The following ZBTB4 variants were observed in gnomAD, a reference collection of about 807,000 sequenced individuals.
ZBTB4 encodes the protein zinc finger and BTB domain containing 4.
In ZBTB4, 14 loss-of-function variants were observed where a neutral mutation model predicts 59.8. That is an observed-to-expected ratio of 0.23 (90% CI 0.15 to 0.37). The LOEUF (loss-of-function observed/expected upper bound fraction) is 0.37. Among genes scored for constraint, ZBTB4 ranks in the 10% least tolerant of loss-of-function variants. The pLI, the probability that ZBTB4 is intolerant of heterozygous loss-of-function variation, is 1.00. For missense variants in ZBTB4, 1,198 were observed against 1,380.8 expected (o/e 0.87, Z 2.10); for synonymous variants, 587 against 575.2 (o/e 1.02, Z -0.29).
rs1597769976 is a variant in ZBTB4 at position 7,466,364 on chromosome 17, G to A, written c.438C>T (p.Ala146=). 1.2e-6 allele frequency: 2 copies of A among 1,613,992 alleles called. No individual in the cohort carries two copies. The highest frequency in any genetic ancestry group is 1.7e-5 in the Admixed American group (1 of 59,996). ...FSDVLNFIYS[A]RLALPGGGGD... is the part of the protein sequence containing the mutation. ...CTCCACCACCAGGCAGTGCGAGCCG[G>A]GCGCTGTAGATGAAGTTGAGGACAT... Residue 146 remains alanine, a synonymous_variant, in exon 3 of 4, where the codon GCC becomes GCT. Transcript: ENST00000380599. This position sits in a 1 kb window ranked among gnomAD's most constrained non-coding sequence, Gnocchi z 9.1.
intron 3 of ZBTB4, among the ~76,000 whole-genome samples, chr17:7,465,090 A>T (rs562170087): frequency 2.3e-4 from 33 of 144,270 alleles, no homozygotes; most frequent in Admixed American, 1.1e-3. Context: ...TGGGAAGTGG[A>T]GCTTGCAGTG....
rs1260763882 is a variant in ZBTB4, at chr17:7,463,294, C to T, written c.1688G>A (p.Arg563Gln). 1.2e-5 allele frequency: 20 copies of T among 1,610,286 alleles called. No individual in the cohort carries two copies. Among genetic ancestry groups the T allele is most frequent in the Non-Finnish European group, 1.6e-5 (19 of 1,178,674 alleles). ...TGTGTAAGTCAGAGTCCTTCCAGCC[C>T]GTGGATTCCGGCCCTTGGCCTCCTC... ...TTEEAKGRNP[R>Q]AGRTLTYTAK... Residue 563 changes from arginine (R) to glutamine (Q), a missense_variant, in exon 4 of 4, where the codon CGG becomes CAG. Physicochemically the swap from Arg to Gln is conservative, Grantham distance 43. This residue lies in a region of ZBTB4 where 550 missense variants were observed against 541.8 expected (regional missense o/e 1.02). Coordinates refer to ENST00000380599, the MANE Select transcript of ZBTB4 (RefSeq NM_001128833.2).
At chr17:7,476,243 C>G (rs1468658865) in intron 1 of ZBTB4, among the ~76,000 whole-genome samples, 1 of 152,210 alleles carries the variant, frequency 6.6e-6, no homozygotes, top group African/African-American at 2.4e-5. Context: ...CCACTGGTCC[C>G]CACTGACTCT....
Position 7,462,438 on chromosome 17 carries a change from C to T in ZBTB4, c.2544G>A (p.Gln848=), listed in dbSNP as rs774585050. The change falls in exon 4 of 4, where the codon CAG becomes CAA. Residue 848 remains glutamine, a synonymous_variant. Transcript: ENST00000380599. The surrounding 1 kb of genome is among the most constrained non-coding windows in gnomAD (Gnocchi z 7.5). ...CCTCACCCCCTGAAATGATAGGGTC[C>T]TGGAGTGAGGCGGTCTCGGAAGCTT... ...AEEASETASL[Q]DPIISGGEEP... 6.2e-7 allele frequency: 1 copy of T among 1,613,984 alleles called. No homozygotes were observed. The highest frequency in any genetic ancestry group is 1.1e-5 in the South Asian group (1 of 91,078).
rs575671383 is a variant in ZBTB4, at chr17:7,478,042, C to A, written c.-81+1414G>T. ...CCAAATCCCCTCCGCAGCCCCACCGCCACTTAAGCACACAGACGGCAGGCA... is the reference window on the plus strand; with the variant it reads ...CCAAATCCCCTCCGCAGCCCCACCGACACTTAAGCACACAGACGGCAGGCA... On this transcript the variant is annotated intron_variant, in intron 1 of 3. Transcript: ENST00000380599. Among the ~76,000 whole-genome samples, 23 of 152,236 alleles carry A rather than the reference C, an allele frequency of 1.5e-4. 1 individual carries two copies. In the South Asian group the frequency reaches 4.4e-3, roughly 29 times the overall value.
intron 1 of ZBTB4, among the ~76,000 whole-genome samples, chr17:7,471,810 A>C (rs964736345): frequency 1.3e-5 from 2 of 152,220 alleles, no homozygotes; most frequent in African/African-American, 4.8e-5. Flanking sequence ...TGTAGAACTC[A>C]GTCCTGGAAA....
At chr17:7,481,702 C>T (rs1417919087), upstream of ZBTB4, among the ~76,000 whole-genome samples, 2 of 152,202 alleles carry the variant, frequency 1.3e-5, no homozygotes, top group Non-Finnish European at 2.9e-5. Flanking sequence ...GCTTCCTCCC[C>T]TTCCTCAATC....
In ZBTB4 at chr17:7,465,921, C is replaced by T; in HGVS notation, c.881G>A (p.Gly294Glu). 6.2e-7 allele frequency: 1 copy of T among 1,610,406 alleles called. No homozygotes were observed. The highest frequency in any genetic ancestry group is 1.1e-5 in the South Asian group (1 of 90,898). The change falls in exon 3 of 4, where the codon GGG becomes GAG. Residue 294 changes from glycine (G) to glutamate (E), a missense_variant. Physicochemically the swap from Gly to Glu is moderately conservative, Grantham distance 98. Coordinates refer to ENST00000380599, the MANE Select transcript of ZBTB4 (RefSeq NM_001128833.2). The stretch of plus-strand genomic sequence containing the variant: ...CACCTTCACCACGTGCTCGGGGCCC[C>T]CTCGGAAGCCCACTGGTGGAGGCAG... ...SALPPPVGFR[G>E]GPEHVVKVVG... is the part of the protein sequence containing the mutation.
At chr17:7,476,351 A>G (rs1480250753) in intron 1 of ZBTB4, among the ~76,000 whole-genome samples, 2 of 152,192 alleles carry the variant, frequency 1.3e-5, no homozygotes, top group Non-Finnish European at 2.9e-5. Context: ...CTTCAAACAC[A>G]CAGTACTCAG....
At chr17:7,474,848 C>T (rs1466059146) in intron 1 of ZBTB4, among the ~76,000 whole-genome samples, 1 of 151,130 alleles carries the variant, frequency 6.6e-6, no homozygotes, top group African/African-American at 2.4e-5. Flanking sequence ...CCCATCTGTA[C>T]TAAAAATACA....
chr17:7,474,675 G>A (rs2070245253), intron 1 of ZBTB4, among the ~76,000 whole-genome samples: 2 of 152,056 alleles, frequency 1.3e-5, no homozygotes, highest in Admixed American at 1.3e-4. Context: ...CATCGTCCAC[G>A]CTGGACTGAG....
Position 7,463,591 on chromosome 17 carries a change from T to G in ZBTB4, c.1391A>C (p.Glu464Ala), listed in dbSNP as rs1041243067. 6.3e-7 allele frequency: 1 copy of G among 1,599,828 alleles called. No homozygotes were observed. The highest frequency in any genetic ancestry group is 1.3e-5 in the African/African-American group (1 of 74,540). ...GATGACAGAGGGTGGAGGGCCAGGCTCTGGGGCAGGTGGAGGCCCAGGCGG... is the reference window on the plus strand; with the variant it reads ...GATGACAGAGGGTGGAGGGCCAGGCGCTGGGGCAGGTGGAGGCCCAGGCGG... ...SPPPGPPPAPEPGPPPSVITF... is the reference protein window; with the variant it reads ...SPPPGPPPAPAPGPPPSVITF... Residue 464 changes from glutamate (E) to alanine (A), a missense_variant, in exon 4 of 4, where the codon GAG (glutamate) becomes GCG (alanine). Coordinates refer to ENST00000380599, the MANE Select transcript of ZBTB4 (RefSeq NM_001128833.2).
rs566705537 is a variant in ZBTB4 at position 7,473,792 on chromosome 17, C to T, written c.-81+5664G>A. Among the ~76,000 whole-genome samples, 6 of 152,080 alleles carry T rather than the reference C, an allele frequency of 3.9e-5. No individual in the cohort carries two copies. The East Asian group carries it at 1.2e-3, about 29-fold the overall frequency. On this transcript the variant is annotated intron_variant, in intron 1 of 3. Coordinates refer to ENST00000380599, the MANE Select transcript of ZBTB4 (RefSeq NM_001128833.2). ...ATTGAAATCCTGGTCTCAAGCAATC[C>T]GCCCAGCTCAGCATCCCAAAGTGCT...
At chr17:7,469,643 T>TA (rs2070173084) in intron 1 of ZBTB4, among the ~76,000 whole-genome samples, 1 of 151,620 alleles carries the variant, frequency 6.6e-6, no homozygotes, top group African/African-American at 2.4e-5. Flanking sequence ...TGGGTGTCTG[T>TA]AATCCCAGAT....
At chr17:7,482,210 C>T (rs751739425), upstream of ZBTB4, 29 of 1,613,886 alleles carry the variant, frequency 1.8e-5, no homozygotes, top group East Asian at 8.9e-5. Flanking sequence ...GCTCATCTGT[C>T]GATGCCTCTT....
chr17:7,479,154 G>A (rs1217448134), intron 1 of ZBTB4, among the ~76,000 whole-genome samples: 2 of 151,292 alleles, frequency 1.3e-5, no homozygotes, highest in Non-Finnish European at 3.0e-5. Context: ...TTAGGCTGCA[G>A]AATTAACCCT....
At chr17:7,472,325 G>C (rs992390389) in intron 1 of ZBTB4, among the ~76,000 whole-genome samples, 1 of 151,962 alleles carries the variant, frequency 6.6e-6, no homozygotes, top group Non-Finnish European at 1.5e-5. Flanking sequence ...CGAGTAGCTG[G>C]GATTACAGGC....
At chr17:7,482,597 C>T (rs1487448538), upstream of ZBTB4, 7 of 1,612,046 alleles carry the variant, frequency 4.3e-6, no homozygotes, top group Non-Finnish European at 5.9e-6. Flanking sequence ...GGCGCTGTCC[C>T]TGGGGCTTCT....
chr17:7,480,689 C>T (rs1198356335), upstream of ZBTB4, among the ~76,000 whole-genome samples: 1 of 151,990 alleles, frequency 6.6e-6, no homozygotes, highest in Non-Finnish European at 1.5e-5. Flanking sequence ...CACTGCACTC[C>T]AGCCTGGGCG....
Sources: allele counts gnomAD v4.1 joint callset (sites outside exome capture counted in the v4.1 genomes callset), GRCh38; gene constraint gnomAD v4.1.1; regional missense constraint gnomAD v4.1.1; non-coding constraint Gnocchi (gnomAD v3.1); transcripts MANE v1.5; gene names NCBI Gene and HGNC (gene_info 2026-07-23, HGNC 2026-07-21).